Variants in AP3M2 observed in about 807,000 individuals in gnomAD.
AP3M2 encodes the protein AP-3 complex subunit mu-2.
Under a neutral mutation model 41.6 loss-of-function variants are expected in AP3M2, and 28 were observed. The ratio of observed to expected loss-of-function variants is 0.67; its 90% CI spans 0.50 to 0.92. The LOEUF (loss-of-function observed/expected upper bound fraction) is 0.92, where lower values mean the gene tolerates loss of function less well. Ranked by LOEUF, AP3M2 falls within the 40% of genes least tolerant of loss-of-function variation. AP3M2 has a pLI of 0.00. For missense variants in AP3M2, 427 were observed against 521.4 expected (o/e 0.82, Z 1.76); for synonymous variants, 193 against 186.4 (o/e 1.04, Z -0.29).
In AP3M2 at chr8:42,168,188, T is replaced by C. The variant is rs183730433; in HGVS notation, c.1156+378T>C. 6.5e-6 allele frequency: 3 copies of C among 464,876 alleles called. No homozygotes were observed. In the East Asian group the frequency reaches 2.0e-4, roughly 31 times the overall value. The allele number at this position is 464,876 out of a possible 1,614,324, so 28.8% of individuals were successfully genotyped here. ...AAGTGTAATTTCCACTCCTTTCTTC[T>C]GTTTTCAGAAGACTTTCATGTTTGC... On this transcript the variant is annotated intron_variant, in intron 8 of 8. Transcript: ENST00000396926.
chr8:42,157,253 G>A (rs1401274031), intron 2 of AP3M2, among the ~76,000 whole-genome samples: 1 of 152,184 alleles, frequency 6.6e-6, no homozygotes, highest in African/African-American at 2.4e-5. Context: ...ACCTCCAGTG[G>A]TGTTATCCTG....
intron 2 of AP3M2, among the ~76,000 whole-genome samples, chr8:42,156,247 C>G (rs1274440712): frequency 2.0e-5 from 3 of 152,178 alleles, no homozygotes; most frequent in African/African-American, 7.2e-5. Context: ...GTTGTTTGAT[C>G]TAGTTGAAAC....
Position 42,154,754 on chromosome 8 carries a change from G to A in AP3M2, c.67G>A (p.Val23Met). The change falls in exon 2 of 9, where the codon GTG becomes ATG. Residue 23 changes from valine to methionine, a missense_variant. By Grantham distance (21) the Val-to-Met change is conservative. Transcript: ENST00000396926. ...DIFLEKHWKSVVSRSVCDYFF... is the reference protein window; with the variant it reads ...DIFLEKHWKSMVSRSVCDYFF... Reference sequence around the variant, plus strand: ...TTTCCTGGAGAAACATTGGAAAAGTGTGGTCAGCCGTTCTGTTTGTGATTA... The same window carrying A: ...TTTCCTGGAGAAACATTGGAAAAGTATGGTCAGCCGTTCTGTTTGTGATTA... 1.2e-6 allele frequency: 2 copies of A among 1,614,208 alleles called. No individual in the cohort carries two copies. The highest frequency in any genetic ancestry group is 1.7e-6 in the Non-Finnish European group (2 of 1,180,042).
At position 42,161,167 on chromosome 8, in the gene AP3M2, G is replaced by A. The variant is rs191653499; in HGVS notation, c.446-1114G>A. On this transcript the variant is annotated intron_variant, in intron 3 of 8. Coordinates refer to ENST00000396926, the MANE Select transcript of AP3M2 (RefSeq NM_006803.4). ...AAAATACAAAAATTAGCCAAGCATGGTGGTGCATGCCTGTGGTCCCAGCTA... is the reference window on the plus strand; with the variant it reads ...AAAATACAAAAATTAGCCAAGCATGATGGTGCATGCCTGTGGTCCCAGCTA... Among the ~76,000 whole-genome samples, 15 of 152,240 alleles carry A rather than the reference G, an allele frequency of 9.9e-5. 1 individual carries two copies. Among genetic ancestry groups the A allele is most frequent in the Admixed American group, 8.5e-4 (13 of 15,286 alleles).
intron 1 of AP3M2, chr8:42,154,147 G>T (rs1202951174): frequency 1.9e-5 from 3 of 153,976 alleles, no homozygotes; most frequent in Non-Finnish European, 4.3e-5. Flanking sequence ...ACCTCAGTCC[G>T]CACCAGCCAC....
At chr8:42,153,129 G>C (rs569978993) in intron 1 of AP3M2, 24 bp downstream of exon 1, 3 of 149,600 alleles carry the variant, frequency 2.0e-5, no homozygotes, top group Non-Finnish European at 4.5e-5. Flanking sequence ...ACGACCCCGA[G>C]CCTGGAGAGG....
intron 3 of AP3M2, chr8:42,162,065 C>A: frequency 2.5e-6 from 1 of 400,926 alleles, no homozygotes; most frequent in Non-Finnish European, 4.4e-6. Flanking sequence ...TTTCTTAAAC[C>A]TTTATTCTGT....
At chr8:42,155,076 T>A (rs540277495) in intron 2 of AP3M2, 116 bp downstream of exon 2, 1 of 847,910 alleles carries the variant, frequency 1.2e-6, no homozygotes, top group African/African-American at 1.7e-5. Flanking sequence ...AACTCTGGTA[T>A]TACTCACTTC....
intron 6 of AP3M2, 93 bp from the exon 7 acceptor site, chr8:42,167,071 G>A (rs1564119094): frequency 1.9e-6 from 2 of 1,079,646 alleles, no homozygotes; most frequent in East Asian, 2.4e-5. Flanking sequence ...GGGAGAAGAA[G>A]CTACCCACAG....
Position 42,165,574 on chromosome 8 carries a change from A to T in AP3M2, c.803+14A>T. 1 of 1,613,714 alleles carries T rather than the reference A, an allele frequency of 6.2e-7. No homozygotes were observed. Among genetic ancestry groups the T allele is most frequent in the South Asian group, 1.1e-5 (1 of 91,006 alleles). The stretch of plus-strand genomic sequence containing the variant: ...CAGTGCACAGAAGTAAGCAGCTCTT[A>T]TAATTAAGAATGGAATCCGTGTATG... On this transcript the variant is annotated intron_variant, in intron 6 of 8. Coordinates refer to ENST00000396926, the MANE Select transcript of AP3M2 (RefSeq NM_006803.4).
At chr8:42,166,536 C>G (rs1244840324) in intron 6 of AP3M2, among the ~76,000 whole-genome samples, 2 of 142,534 alleles carry the variant, frequency 1.4e-5, no homozygotes, top group Non-Finnish European at 3.0e-5. Context: ...AAGAGGATCA[C>G]TTGAGCCCAG....
At chr8:42,159,772 G>T (rs957575967) in intron 3 of AP3M2, among the ~76,000 whole-genome samples, 8 of 152,088 alleles carry the variant, frequency 5.3e-5, no homozygotes, top group Non-Finnish European at 5.9e-5. Context: ...TAATGCATAA[G>T]CAAGCATTTT....
intron 4 of AP3M2, among the ~76,000 whole-genome samples, chr8:42,164,020 T>G (rs1446787699): frequency 6.6e-6 from 1 of 152,176 alleles, no homozygotes; most frequent in Non-Finnish European, 1.5e-5. Context: ...GGCTGCTGTG[T>G]GAAGAATGGC....
At chr8:42,163,783 CTTGCTGTAGCTAGTAT>C (rs1804570508) in intron 4 of AP3M2, among the ~76,000 whole-genome samples, 1 of 152,146 alleles carries the variant, frequency 6.6e-6, no homozygotes, top group African/African-American at 2.4e-5. Flanking sequence ...TGTTCCGTAT[CTTGCTGTAGCTAGTAT>C]TTGCATAAAT....
rs1266979281 is a variant in AP3M2, at chr8:42,167,745, C to T, written c.1091C>T (p.Ala364Val). The change falls in exon 8 of 9, where the codon GCT (alanine) becomes GTT (valine). Residue 364 changes from alanine (A) to valine (V), a missense_variant. Physicochemically the swap from Ala to Val is moderately conservative, Grantham distance 64. Coordinates refer to ENST00000396926, the MANE Select transcript of AP3M2 (RefSeq NM_006803.4). ...GGGACCATGAGTCTTCAGGCTGGAG[C>T]TTCCAAACCAGATGAAAACCCCACA... is the stretch of plus-strand genomic sequence containing the variant. ...LKGTMSLQAG[A>V]SKPDENPTIN... 2 of 1,614,110 alleles carry T rather than the reference C, an allele frequency of 1.2e-6. No homozygotes were observed. Among genetic ancestry groups the T allele is most frequent in the East Asian group, 2.2e-5 (1 of 44,882 alleles).
intron 4 of AP3M2, among the ~76,000 whole-genome samples, chr8:42,162,644 A>T (rs1412796492): frequency 6.6e-6 from 1 of 152,100 alleles, no homozygotes; most frequent in East Asian, 1.9e-4. Context: ...ATCCTCTTGA[A>T]TAAAAAAGAG....
chr8:42,167,628 T>C, intron 7 of AP3M2, 38 bp from the exon 8 acceptor site: 6 of 1,590,980 alleles, frequency 3.8e-6, no homozygotes, highest in Non-Finnish European at 5.1e-6. Context: ...TAACTATTTT[T>C]TGGAAAGACC....
In AP3M2 at chr8:42,165,553, G is replaced by A. The variant is rs1479411726; in HGVS notation, c.796G>A (p.Ala266Thr). The A allele has an allele frequency of 1.2e-6, 2 of 1,614,096 alleles. No individual in the cohort carries two copies. Among genetic ancestry groups the A allele is most frequent in the Non-Finnish European group, 1.7e-6 (2 of 1,179,990 alleles). ...CCGCCTGCTGTCTTACCATGTCAGT[G>A]CACAGAAGTAAGCAGCTCTTATAAT... is the stretch of plus-strand genomic sequence containing the variant. ...NFRLLSYHVS[A>T]QNLVAIPVYV... Residue 266 changes from alanine to threonine, a missense_variant, in exon 6 of 9, where the codon GCA becomes ACA. Transcript: ENST00000396926.
At chr8:42,158,341 TG>T (rs1412337292) in intron 3 of AP3M2, among the ~76,000 whole-genome samples, 1 of 150,328 alleles carries the variant, frequency 6.7e-6, no homozygotes, top group African/African-American at 2.4e-5. Context: ...CTCCGCCTCC[TG>T]GGTTGAAGTG....
Sources: gnomAD v4.1 joint callset for allele counts (sites outside exome capture counted in the v4.1 genomes callset) on GRCh38, gnomAD v4.1.1 for gene constraint, MANE v1.5 for transcripts, NCBI Gene and HGNC (gene_info 2026-07-23, HGNC 2026-07-21) for gene names.